ZMYM1: variants seen among roughly 807,000 people sequenced by gnomAD.
The protein encoded by ZMYM1 is zinc finger MYM-type protein 1.
In ZMYM1, 39 loss-of-function variants were observed where a neutral mutation model predicts 60.0. That is an observed-to-expected ratio of 0.65 (90% CI 0.50 to 0.85). The LOEUF is 0.85. ZMYM1 is among the 40% of genes least tolerant of loss of function. The probability of loss-of-function intolerance (pLI) is 0.00; values close to 1 mark genes in which losing one functional copy is unlikely to be tolerated. For missense variants in ZMYM1, 1,171 were observed against 1,309.5 expected, an observed-to-expected ratio of 0.89 and a Z score of 1.63; for synonymous variants, 413 against 454.0, an observed-to-expected ratio of 0.91 and a Z score of 1.15.
chr1:35,096,103 A>G (rs1396358534), intron 3 of ZMYM1, among the ~76,000 whole-genome samples: 1 of 152,040 alleles, frequency 6.6e-6, no homozygotes, highest in Non-Finnish European at 1.5e-5. Flanking sequence ...TCATGAGGTC[A>G]GGAATTCGAG....
At chr1:35,117,427 C>G (rs1056594311), downstream of ZMYM1, among the ~76,000 whole-genome samples, 1 of 152,004 alleles carries the variant, frequency 6.6e-6, no homozygotes, top group Non-Finnish European at 1.5e-5. Flanking sequence ...TCAAGTGATT[C>G]TCCTGCCTCA....
intron 1 of ZMYM1, among the ~76,000 whole-genome samples, chr1:35,092,263 C>T (rs1414098323): frequency 6.6e-6 from 1 of 151,204 alleles, no homozygotes; most frequent in Non-Finnish European, 1.5e-5. Flanking sequence ...GACAGAATCT[C>T]GCTCTGTTTC....
intron 4 of ZMYM1, among the ~76,000 whole-genome samples, chr1:35,099,475 A>G (rs945820917): frequency 6.6e-6 from 1 of 152,196 alleles, no homozygotes; most frequent in Non-Finnish European, 1.5e-5. Flanking sequence ...TGGAAATCCA[A>G]TATGAGTAAA....
At chr1:35,088,046 A>G (rs1439098225) in intron 1 of ZMYM1, among the ~76,000 whole-genome samples, 9 of 151,242 alleles carry the variant, frequency 6.0e-5, no homozygotes, top group Non-Finnish European at 1.3e-4. Flanking sequence ...GGTGACAGAG[A>G]GAGATTCCAT....
At chr1:35,084,289 C>A (rs905955326) in intron 1 of ZMYM1, among the ~76,000 whole-genome samples, 5 of 151,836 alleles carry the variant, frequency 3.3e-5, no homozygotes, top group Non-Finnish European at 7.4e-5. Context: ...ATATCTGAGT[C>A]ACCTGTGGGT....
rs1184601007 is a variant in ZMYM1, at chr1:35,086,982, CTTTTTTTT to C, written c.-74-6913_-74-6906del. Among the ~76,000 whole-genome samples the C allele has an allele frequency of 6.0e-5, 6 of 100,114 alleles. No homozygotes were observed. The East Asian group carries it at 2.0e-3, about 34-fold the overall frequency. The allele number at this position is 100,114 out of a possible 152,430, so 65.7% of individuals were successfully genotyped here. ...ACAGGCATGAGCCACCGCACCCAGC[CTTTTTTTT>C]TTTTTTTTTTTTTTTTTTGAGATGG... On this transcript the variant is annotated intron_variant, in intron 1 of 9. Coordinates refer to ENST00000359858, the MANE Select transcript of ZMYM1 (RefSeq NM_024772.5).
At chr1:35,075,086 ATATATT>A (rs1642144635), upstream of ZMYM1, among the ~76,000 whole-genome samples, 3 of 152,138 alleles carry the variant, frequency 2.0e-5, no homozygotes, top group African/African-American at 7.2e-5. Flanking sequence ...GGTAGCACAT[ATATATT>A]TATAATTGTT....
At position 35,097,523 on chromosome 1, in the gene ZMYM1, A is replaced by G; in HGVS notation, c.376A>G (p.Ser126Gly). Reference protein sequence around the residue: ...PCITEYISSASSPVPSKRTCS... With the variant: ...PCITEYISSAGSPVPSKRTCS... Reference sequence around the variant, plus strand: ...CATCACTGAATACATTTCATCTGCCAGTTCACCAGTTCCTTCTAAGAGAAC... The same window carrying G: ...CATCACTGAATACATTTCATCTGCCGGTTCACCAGTTCCTTCTAAGAGAAC... The change falls in exon 4 of 10, where the codon AGT (serine) becomes GGT (glycine). Residue 126 changes from serine (S) to glycine (G), a missense_variant. Coordinates refer to ENST00000359858, the MANE Select transcript of ZMYM1 (RefSeq NM_024772.5). 1 of 1,614,248 alleles carries G rather than the reference A, an allele frequency of 6.2e-7. No homozygotes were observed. Among genetic ancestry groups the G allele is most frequent in the Non-Finnish European group, 8.5e-7 (1 of 1,180,036 alleles).
At chr1:35,081,390 T>A (rs12048974) in intron 1 of ZMYM1, among the ~76,000 whole-genome samples, 1 of 151,210 alleles carries the variant, frequency 6.6e-6, no homozygotes, top group South Asian at 2.1e-4. Flanking sequence ...TTTTTTTTGA[T>A]ATTGTCTTGG....
intron 1 of ZMYM1, among the ~76,000 whole-genome samples, chr1:35,092,705 G>A (rs1643098303): frequency 6.6e-6 from 1 of 151,780 alleles, no homozygotes; most frequent in African/African-American, 2.4e-5. Flanking sequence ...TTGGCCCACT[G>A]CAACCTCTGC....
chr1:35,073,359 A>AAGGAAGGAAGGG (rs1271922538), intron 1 of ZMYM1, among the ~76,000 whole-genome samples: 4 of 147,800 alleles, frequency 2.7e-5, no homozygotes, highest in African/African-American at 5.0e-5. Context: ...GGAAGGAAGG[A>AAGGAAGGAAGGG]AGGAAGGAAG....
chr1:35,094,831 G>A lies in ZMYM1; in HGVS notation c.96+748G>A, dbSNP rs186240115. Among the ~76,000 whole-genome samples the A allele has an allele frequency of 3.1e-3, 471 of 152,158 alleles. 1 individual carries two copies. The highest frequency in any genetic ancestry group is 0.01 in the African/African-American group (434 of 41,528). On this transcript the variant is annotated intron_variant, in intron 2 of 9. Coordinates refer to ENST00000359858, the MANE Select transcript of ZMYM1 (RefSeq NM_024772.5). ...GCCATTGCACTCCAGCCTGGGTAAC[G>A]AAGCGAGACCCTGTCTCTTAAAACA...
chr1:35,061,864 CTG>C (rs1641884176), intron 1 of ZMYM1, among the ~76,000 whole-genome samples: 2 of 125,302 alleles, frequency 1.6e-5, no homozygotes, highest in South Asian at 4.7e-4. Flanking sequence ...GAGTCTCACT[CTG>C]TCACCCAGGC....
intron 6 of ZMYM1, among the ~76,000 whole-genome samples, chr1:35,105,297 C>T (rs1057335871): frequency 2.2e-4 from 33 of 151,460 alleles, no homozygotes; most frequent in Admixed American, 1.4e-3. Context: ...ACCACCACGC[C>T]TGGCTAATTT....
intron 3 of ZMYM1, 147 bp from the exon 4 acceptor site, chr1:35,097,170 T>TGATC: frequency 1.1e-6 from 1 of 883,658 alleles, no homozygotes; most frequent in South Asian, 1.7e-5. Flanking sequence ...CAGTGAGCCA[T>TGATC]GATCGTATCA....
chr1:35,085,957 C>A (rs1642631242), intron 1 of ZMYM1, among the ~76,000 whole-genome samples: 2 of 152,176 alleles, frequency 1.3e-5, no homozygotes, highest in Admixed American at 1.3e-4. Context: ...TTCCATCCTC[C>A]TGCCGTGACA....
chr1:35,076,562 G>A (rs930422409), upstream of ZMYM1, among the ~76,000 whole-genome samples: 13 of 151,912 alleles, frequency 8.6e-5, no homozygotes, highest in South Asian at 1.2e-3. Context: ...TGAAGGTTGC[G>A]GTGAGCCAAG....
At chr1:35,085,217 T>A (rs1557645137) in intron 1 of ZMYM1, among the ~76,000 whole-genome samples, 1 of 151,978 alleles carries the variant, frequency 6.6e-6, no homozygotes, top group Non-Finnish European at 1.5e-5. Flanking sequence ...CTGGCTAATT[T>A]TTTGTATTTT....
intron 1 of ZMYM1, among the ~76,000 whole-genome samples, chr1:35,069,178 T>C (rs1050915896): frequency 2.0e-5 from 3 of 152,196 alleles, no homozygotes; most frequent in African/African-American, 7.2e-5. Context: ...TATCCATTTT[T>C]CTATAGTGGC....
Sources: allele counts gnomAD v4.1 joint callset (sites outside exome capture counted in the v4.1 genomes callset), GRCh38; gene constraint gnomAD v4.1.1; transcripts MANE v1.5; gene names NCBI Gene and HGNC (gene_info 2026-07-23, HGNC 2026-07-21).